The following ZNF577 variants were observed in gnomAD, a reference collection of about 807,000 sequenced individuals.
The protein encoded by ZNF577 is zinc finger protein 577.
In ZNF577, 14 loss-of-function variants were observed where a neutral mutation model predicts 13.9. The observed-to-expected ratio is 1.00, with a 90% CI of 0.66 to 1.57. The LOEUF is 1.57. ZNF577 is among the 40% of genes most tolerant of loss of function. The probability of loss-of-function intolerance (pLI) is 0.00; values close to 1 mark genes in which losing one functional copy is unlikely to be tolerated. For synonymous variants in ZNF577, 203 were observed against 202.9 expected (o/e 1.00, Z 0.00); for missense variants, 555 against 579.2 (o/e 0.96, Z 0.43).
At chr19:51,857,431 G>GA (rs2084447185) in intron 5 of ZNF577, among the ~76,000 whole-genome samples, 2 of 133,834 alleles carry the variant, frequency 1.5e-5, no homozygotes, top group Non-Finnish European at 3.3e-5. Context: ...AGAAAGAAAA[G>GA]AAAAAACAAA....
intron 10 of ZNF577, among the ~76,000 whole-genome samples, chr19:51,806,013 C>T (rs1285252554): frequency 2.0e-5 from 3 of 152,210 alleles, no homozygotes; most frequent in Non-Finnish European, 2.9e-5. Context: ...GCAAGATTTA[C>T]AGGTCAACTG....
chr19:51,877,513 C>A (rs767763946), intron 4 of ZNF577, 136 bp from the exon 5 acceptor site: 1 of 657,134 alleles, frequency 1.5e-6, no homozygotes, highest in Non-Finnish European at 2.7e-6. Context: ...AAGAGCACAA[C>A]CACTTCGTGC....
chr19:51,864,298 G>A (rs1202299975), downstream of ZNF577, among the ~76,000 whole-genome samples: 1 of 152,116 alleles, frequency 6.6e-6, no homozygotes, highest in Non-Finnish European at 1.5e-5. Context: ...AAAATCTGAA[G>A]TCTTTTAAGA....
intron 5 of ZNF577, among the ~76,000 whole-genome samples, chr19:51,846,657 G>A (rs545240861): frequency 1.6e-4 from 24 of 151,958 alleles, no homozygotes; most frequent in Middle Eastern, 3.4e-3. Context: ...GCAGTGAGCC[G>A]AGATCGCGCC....
chr19:51,851,226 T>G (rs2084377307), intron 5 of ZNF577, among the ~76,000 whole-genome samples: 1 of 152,194 alleles, frequency 6.6e-6, no homozygotes, highest in African/African-American at 2.4e-5. Flanking sequence ...ATACCCCATC[T>G]TATTACTTCT....
At position 51,887,790 on chromosome 19, in the gene ZNF577, G is replaced by C. The variant is rs2084975052; in HGVS notation, c.-1188C>G. The C allele has an allele frequency of 1.3e-5, 2 of 151,476 alleles. No individual in the cohort carries two copies. Among genetic ancestry groups the C allele is most frequent in the Non-Finnish European group, 2.9e-5 (2 of 67,934 alleles). The allele number at this position is 151,476 out of a possible 1,614,324, so 9.4% of individuals were successfully genotyped here. On this transcript the variant is annotated 5_prime_UTR_variant, in exon 1 of 6. Transcript: ENST00000638348. ...GCGAACAACAGAAAAAAAAAAGCGC[G>C]CTCTCCCTGCCCCTGAAACATTCCC...
chr19:51,865,942 C>T (rs1009427552), downstream of ZNF577, among the ~76,000 whole-genome samples: 1 of 151,956 alleles, frequency 6.6e-6, no homozygotes, highest in Admixed American at 6.6e-5. Context: ...TGGTAAAACC[C>T]CAGCTCTACT....
intron 5 of ZNF577, chr19:51,860,818 A>C (rs2084489798): frequency 3.2e-6 from 1 of 309,948 alleles, no homozygotes; most frequent in African/African-American, 2.3e-5. Context: ...GGAAGACTTT[A>C]TCACAATCAC....
At position 51,880,360 on chromosome 19, in the gene ZNF577, A is replaced by G; in HGVS notation, c.23T>C (p.Met8Thr). ...ACTGCCTTGCTCTCTCCTCACAGAC[A>G]TTACAATCGTGGCATTTTTCATGTG... MKNATIV[M>T]SVRREQGSSS... is the part of the protein sequence containing the mutation. The change falls in exon 3 of 6, where the codon ATG becomes ACG. Residue 8 changes from methionine to threonine, a missense_variant. By Grantham distance (81) the Met-to-Thr change is moderately conservative (BLOSUM62 -1). Transcript: ENST00000638348. 1 of 1,614,168 alleles carries G rather than the reference A, an allele frequency of 6.2e-7. No homozygotes were observed. Among genetic ancestry groups the G allele is most frequent in the South Asian group, 1.1e-5 (1 of 91,080 alleles).
At chr19:51,810,062 T>C (rs2084086198) in intron 10 of ZNF577, among the ~76,000 whole-genome samples, 1 of 152,182 alleles carries the variant, frequency 6.6e-6, no homozygotes, top group Non-Finnish European at 1.5e-5. Context: ...GTAAGGTCCT[T>C]TCTGTACTGA....
chr19:51,847,758 G>A (rs981047728), intron 5 of ZNF577, among the ~76,000 whole-genome samples: 3 of 152,138 alleles, frequency 2.0e-5, no homozygotes, highest in African/African-American at 7.2e-5. Context: ...TTCCCACAGC[G>A]CTGCGGGATT....
intron 9 of ZNF577, among the ~76,000 whole-genome samples, chr19:51,832,975 T>C (rs1176874750): frequency 6.6e-6 from 1 of 152,228 alleles, no homozygotes; most frequent in Non-Finnish European, 1.5e-5. Context: ...TTTTCAAAAG[T>C]AATTTGGCTA....
chr19:51,843,912 A>G (rs10415056), intron 6 of ZNF577, among the ~76,000 whole-genome samples: 16,594 of 152,218 alleles, frequency 0.11, 1,013 homozygotes, highest in African/African-American at 0.13. Context: ...TGTATTAAAT[A>G]CCATTCTGCG....
intron 5 of ZNF577, among the ~76,000 whole-genome samples, chr19:51,858,166 C>T (rs988272265): frequency 6.6e-6 from 1 of 152,236 alleles, no homozygotes; most frequent in Non-Finnish European, 1.5e-5. Context: ...AAAGCAATTG[C>T]ATTCTTCCAC....
At chr19:51,809,540 G>A (rs531848511) in intron 10 of ZNF577, among the ~76,000 whole-genome samples, 21 of 152,142 alleles carry the variant, frequency 1.4e-4, no homozygotes, top group Non-Finnish European at 2.9e-4. Context: ...GTGATTTGCA[G>A]GGAATAAGCA....
intron 9 of ZNF577, chr19:51,823,901 T>C (rs2084210029): frequency 1.9e-6 from 3 of 1,614,150 alleles, no homozygotes; most frequent in Non-Finnish European, 2.5e-6. Context: ...TCTGGGTGGC[T>C]GGATTCCGGA....
intron 10 of ZNF577, among the ~76,000 whole-genome samples, chr19:51,810,720 G>A (rs976388929): frequency 4.6e-5 from 7 of 152,264 alleles, no homozygotes; most frequent in Admixed American, 1.3e-4. Context: ...GGTAAAAAAC[G>A]CATAGCACCA....
Position 51,880,328 on chromosome 19 carries a change from C to G in ZNF577, c.55G>C (p.Gly19Arg), listed in dbSNP as rs2084841427. The G allele has an allele frequency of 6.2e-7, 1 of 1,614,062 alleles. No individual in the cohort carries two copies. Among genetic ancestry groups the G allele is most frequent in the East Asian group, 2.2e-5 (1 of 44,876 alleles). Residue 19 changes from glycine (G) to arginine (R), a missense_variant, in exon 3 of 6, where the codon GGG becomes CGG. Physicochemically the swap from Gly to Arg is moderately radical, Grantham distance 125. Coordinates refer to ENST00000638348, the MANE Select transcript of ZNF577 (RefSeq NM_001370449.1). The stretch of plus-strand genomic sequence containing the variant: ...CACAGCAATGACAAATTTACCTCCC[C>G]TGAAGAACTGCCTTGCTCTCTCCTC... ...SVRREQGSSS[G>R]EGSLSFEDVA...
intron 9 of ZNF577, among the ~76,000 whole-genome samples, chr19:51,837,195 G>A (rs1241731911): frequency 2.6e-5 from 4 of 152,080 alleles, no homozygotes; most frequent in Non-Finnish European, 4.4e-5. Context: ...GGAAGGCTCC[G>A]GTTTTAAAGC....
Sources: gnomAD v4.1 joint callset for allele counts (sites outside exome capture counted in the v4.1 genomes callset) on GRCh38, gnomAD v4.1.1 for gene constraint, MANE v1.5 for transcripts, NCBI Gene and HGNC (gene_info 2026-07-23, HGNC 2026-07-21) for gene names.